Variants in CLEC1A observed in about 807,000 individuals in gnomAD.
CLEC1A encodes C-type lectin domain family 1 member A, also known as C-type lectin-like receptor-1.
A neutral mutation model predicts 28.7 loss-of-function variants in CLEC1A; 34 were observed. The ratio of observed to expected loss-of-function variants is 1.18; its 90% CI spans 0.90 to 1.57. The LOEUF is 1.57. Among genes scored for constraint, CLEC1A ranks in the 40% most tolerant of loss-of-function variants. The pLI is 0.00. For synonymous variants in CLEC1A, 116 were observed against 121.0 expected (o/e 0.96, Z 0.27); for missense variants, 385 against 339.5 (o/e 1.13, Z -1.05).
intron 1 of CLEC1A, among the ~76,000 whole-genome samples, chr12:10,090,618 A>G (rs1163062890): frequency 6.6e-6 from 1 of 152,146 alleles, no homozygotes; most frequent in African/African-American, 2.4e-5. Flanking sequence ...AATGATAACT[A>G]GTAAAGAATA....
At chr12:10,076,445 A>G (rs1053332668) in intron 3 of CLEC1A, among the ~76,000 whole-genome samples, 1 of 152,214 alleles carries the variant, frequency 6.6e-6, no homozygotes, top group Non-Finnish European at 1.5e-5. Flanking sequence ...ATCTTCTTGT[A>G]AATTTGAAAT....
chr12:10,083,638 A>G (rs1249257214), intron 2 of CLEC1A, among the ~76,000 whole-genome samples: 1 of 151,874 alleles, frequency 6.6e-6, no homozygotes, highest in Non-Finnish European at 1.5e-5. Context: ...ATGTCTCTCT[A>G]ATTTTTATAT....
At chr12:10,095,951 CT>C (rs1947771338) in intron 1 of CLEC1A, among the ~76,000 whole-genome samples, 1 of 152,166 alleles carries the variant, frequency 6.6e-6, no homozygotes, top group Admixed American at 6.5e-5. Context: ...CTCAGATTAT[CT>C]CCTTGACACT....
intron 5 of CLEC1A, 67 bp downstream of exon 5, chr12:10,073,226 G>C: frequency 8.6e-7 from 1 of 1,168,562 alleles, no homozygotes; most frequent in Non-Finnish European, 1.3e-6. Flanking sequence ...CCAAATTCTT[G>C]AGCTCTATCA....
chr12:10,083,574 G>A (rs1866414725), intron 2 of CLEC1A, among the ~76,000 whole-genome samples: 1 of 152,162 alleles, frequency 6.6e-6, no homozygotes, highest in Non-Finnish European at 1.5e-5. Context: ...CCAGGTTCAA[G>A]TGATTCTCCT....
At chr12:10,078,542 C>T (rs1280758756) in intron 3 of CLEC1A, among the ~76,000 whole-genome samples, 1 of 152,188 alleles carries the variant, frequency 6.6e-6, no homozygotes, top group East Asian at 1.9e-4. Flanking sequence ...AATTCCTTAT[C>T]CCTCTTGCCT....
Position 10,071,414 on chromosome 12 carries a change from A to G in CLEC1A, c.762T>C (p.Arg254=). The change falls in exon 6 of 6, where the codon CGT becomes CGC. Residue 254 remains arginine (R), a synonymous_variant. Transcript: ENST00000315330. The part of the protein sequence containing the change: ...IFSKDCKELK[R]CVCERRAGMV... Reference sequence around the variant, plus strand: ...TTCCTGCCCTTCTCTCACAGACACAACGCTTCAATTCTTTGCAGTCCTTTG... The same window carrying G: ...TTCCTGCCCTTCTCTCACAGACACAGCGCTTCAATTCTTTGCAGTCCTTTG... 1 of 1,613,968 alleles carries G rather than the reference A, an allele frequency of 6.2e-7. No homozygotes were observed. The highest frequency in any genetic ancestry group is 1.1e-5 in the South Asian group (1 of 91,076).
rs1159103888 is a variant in CLEC1A at position 10,069,862 on chromosome 12, T to C, written c.*1471A>G. 2.6e-5 allele frequency: 4 copies of C among 152,204 alleles called. No individual in the cohort carries two copies. The highest frequency in any genetic ancestry group is 7.2e-5 in the African/African-American group (3 of 41,456). The allele number at this position is 152,204 out of a possible 1,614,324, so 9.4% of individuals were successfully genotyped here. On this transcript the variant is annotated 3_prime_UTR_variant, in exon 6 of 6. Transcript: ENST00000315330. ...TAAGTGACAATCTAACAAAATGAAG[T>C]TTATGAAAATGAGCACCAATGTGTT...
At chr12:10,072,806 C>T (rs1240088871) in intron 5 of CLEC1A, among the ~76,000 whole-genome samples, 1 of 152,176 alleles carries the variant, frequency 6.6e-6, no homozygotes, top group Non-Finnish European at 1.5e-5. Context: ...TGGCCGGGTG[C>T]GGTGGCTCAT....
chr12:10,082,655 C>CCTGGCAAACTTAGAA lies in CLEC1A; in HGVS notation c.215-1257_215-1243dup, dbSNP rs536771756. Among the ~76,000 whole-genome samples the CCTGGCAAACTTAGAA allele has an allele frequency of 7.0e-4, 107 of 152,302 alleles. 5 individuals carry two copies. In the South Asian group the frequency reaches 0.022, roughly 31 times the overall value. ...TCACCTGAGAAACCTGAATACTCAT[C>CCTGGCAAACTTAGAA]CTGGCAAACTTAGAACAAGCTTACA... On this transcript the variant is annotated intron_variant, in intron 2 of 5. Transcript: ENST00000315330.
intron 1 of CLEC1A, among the ~76,000 whole-genome samples, chr12:10,096,171 A>G (rs1275946624): frequency 2.0e-5 from 3 of 152,056 alleles, no homozygotes; most frequent in East Asian, 1.9e-4. Flanking sequence ...GACAGCTCCA[A>G]ATGCATGTCC....
rs148373579 is a variant in CLEC1A, at chr12:10,098,899, C to T, written c.24G>A (p.Thr8=). Residue 8 remains threonine, a synonymous_variant, in exon 1 of 6, where the codon ACG becomes ACA. Coordinates refer to ENST00000315330, the MANE Select transcript of CLEC1A (RefSeq NM_016511.4). MQAKYSS[T]RDMLDDDGDT... is the part of the protein sequence containing the mutation. ...CCCCATCATCATCCAGCATGTCCCT[C>T]GTGCTGCTGTACTTGGCCTGCATCT... 0.026 allele frequency: 42,407 copies of T among 1,612,764 alleles called. 797 individuals are homozygous for T. Among genetic ancestry groups the T allele is most frequent in the Non-Finnish European group, 0.026 (31,094 of 1,179,284 alleles).
Position 10,073,519 on chromosome 12 carries a change from C to T in CLEC1A, c.544-108G>A, listed in dbSNP as rs1482247472. The T allele has an allele frequency of 7.0e-5, 52 of 743,708 alleles. 1 individual carries two copies. The East Asian group carries it at 1.3e-3, about 19-fold the overall frequency. 46.1% of individuals were successfully genotyped at this position (743,708 alleles called of 1,614,324 possible). ...TTTCTCAAAGCACACACAAGTCCTGCTTCACATTGATGCTCATATGCTTAA... is the reference window on the plus strand; with the variant it reads ...TTTCTCAAAGCACACACAAGTCCTGTTTCACATTGATGCTCATATGCTTAA... On this transcript the variant is annotated intron_variant, in intron 4 of 5. Transcript: ENST00000315330.
chr12:10,079,294 G>A (rs1866317109), intron 3 of CLEC1A, among the ~76,000 whole-genome samples: 1 of 152,092 alleles, frequency 6.6e-6, no homozygotes, highest in Non-Finnish European at 1.5e-5. Context: ...GATGGATAAT[G>A]GGTAAGATGA....
At chr12:10,085,242 CAA>C (rs1491555831) in intron 2 of CLEC1A, among the ~76,000 whole-genome samples, 8 of 129,430 alleles carry the variant, frequency 6.2e-5, no homozygotes, top group African/African-American at 2.3e-4. Flanking sequence ...CACACACACA[CAA>C]TAAAACAAGG....
chr12:10,079,550 A>G (rs932888635), intron 3 of CLEC1A, among the ~76,000 whole-genome samples: 3 of 152,152 alleles, frequency 2.0e-5, no homozygotes, highest in African/African-American at 7.2e-5. Flanking sequence ...AGCCAGGTGC[A>G]ATGGCTCATG....
At chr12:10,086,583 T>C (rs1486264476) in intron 2 of CLEC1A, among the ~76,000 whole-genome samples, 4 of 151,970 alleles carry the variant, frequency 2.6e-5, no homozygotes, top group Admixed American at 1.3e-4. Context: ...CCTGGAAATA[T>C]ACAACCCTCC....
intron 1 of CLEC1A, among the ~76,000 whole-genome samples, chr12:10,090,388 C>G (rs1441390309): frequency 6.6e-6 from 1 of 152,128 alleles, no homozygotes; most frequent in Non-Finnish European, 1.5e-5. Context: ...GGAGCCGGAA[C>G]TACAGGCACG....
At position 10,071,362 on chromosome 12, in the gene CLEC1A, G is replaced by A. The variant is rs150379337; in HGVS notation, c.814C>T (p.Pro272Ser). Residue 272 changes from proline (P) to serine (S), a missense_variant, in exon 6 of 6, where the codon CCC becomes TCC. Physicochemically the swap from Pro to Ser is moderately conservative, Grantham distance 74. Transcript: ENST00000315330. ...GMVKPESLHV[P>S]PETLGEGD ...TCACCTTCGCCTAATGTTTCAGGGG[G>A]GACATGGAGGCTCTCTGGCTTCACC... 3.9e-4 allele frequency: 632 copies of A among 1,613,654 alleles called. 3 individuals are homozygous for A. Among genetic ancestry groups the A allele is most frequent in the Middle Eastern group, 2.3e-3 (14 of 6,056 alleles).
Sources: allele counts gnomAD v4.1 joint callset (sites outside exome capture counted in the v4.1 genomes callset), GRCh38; gene constraint gnomAD v4.1.1; transcripts MANE v1.5; gene names NCBI Gene and HGNC (gene_info 2026-07-23, HGNC 2026-07-21).